The following TLE4 variants were observed in gnomAD, a reference collection of about 807,000 sequenced individuals.
The protein encoded by TLE4 is transducin-like enhancer protein 4.
TLE4 carries 8 observed loss-of-function variants against 92.8 expected under a neutral mutation model. The ratio of observed to expected loss-of-function variants is 0.09; its 90% confidence interval spans 0.05 to 0.16. The LOEUF (loss-of-function observed/expected upper bound fraction) is 0.16. Ranked by LOEUF, TLE4 falls within the 10% of genes least tolerant of loss-of-function variation. The probability of loss-of-function intolerance (pLI) is 1.00; values close to 1 mark genes in which losing one functional copy is unlikely to be tolerated. For missense variants in TLE4, 675 were observed against 997.6 expected, an observed-to-expected ratio of 0.68 and a Z score of 4.36; for synonymous variants, 371 against 374.1, an observed-to-expected ratio of 0.99 and a Z score of 0.10.
chr9:79,681,276 T>C (rs1335346507), intron 8 of TLE4, among the ~76,000 whole-genome samples: 2 of 151,888 alleles, frequency 1.3e-5, no homozygotes, highest in South Asian at 4.1e-4. Flanking sequence ...GAGTCTTGGA[T>C]ATACTTAATC....
rs1344407165 is a variant in TLE4, at chr9:79,572,724, TCTTCGG to T, written c.-66_-61del. The T allele has an allele frequency of 2.8e-5, 43 of 1,549,414 alleles. No homozygotes were observed. In the East Asian group the frequency reaches 7.9e-4, roughly 28 times the overall value. On this transcript the variant is annotated 5_prime_UTR_variant, in exon 1 of 20. Coordinates refer to ENST00000376552, the MANE Select transcript of TLE4 (RefSeq NM_007005.6). ...CGCCTCCGCTGCCGCGGCCGCCTCC[TCTTCGG>T]GGTCATTAAAGCCAATGAGCCGCGC...
chr9:79,579,398 G>A (rs2038973856), intron 4 of TLE4, among the ~76,000 whole-genome samples: 1 of 152,172 alleles, frequency 6.6e-6, no homozygotes, highest in African/African-American at 2.4e-5. Context: ...ATTCTAAAAA[G>A]TGAGTATTGG....
intron 8 of TLE4, among the ~76,000 whole-genome samples, chr9:79,681,958 AAG>A (rs2064784260): frequency 6.6e-6 from 1 of 151,896 alleles, no homozygotes; most frequent in Admixed American, 6.6e-5. Flanking sequence ...ATGTTACCAA[AAG>A]AGTGAAATCT....
chr9:79,579,682 A>G (rs138314582), intron 4 of TLE4, among the ~76,000 whole-genome samples: 1,706 of 150,924 alleles, frequency 0.011, 15 homozygotes, highest in East Asian at 0.026. Flanking sequence ...GTGTGTGTGT[A>G]TATATATATG....
intron 4 of TLE4, among the ~76,000 whole-genome samples, chr9:79,606,200 T>G (rs1287467646): frequency 1.8e-5 from 2 of 108,834 alleles, no homozygotes; most frequent in Admixed American, 2.1e-4. Context: ...TTTTTTTTTT[T>G]TTTTTTTTTT....
In TLE4 at chr9:79,636,695, T is replaced by A. The variant is rs59120216; in HGVS notation, c.390+9247T>A. 2.4e-3 allele frequency among the ~76,000 whole-genome samples: 363 copies of A among 152,292 alleles called. 2 individuals are homozygous for A. Among genetic ancestry groups the A allele is most frequent in the African/African-American group, 8.4e-3 (349 of 41,580 alleles). On this transcript the variant is annotated intron_variant, in intron 6 of 19. Coordinates refer to ENST00000376552, the MANE Select transcript of TLE4 (RefSeq NM_007005.6). Reference sequence around the variant, plus strand: ...TGCTTCTAATTCATTCTCTGTCCCATTAACCTGTTTTATTGTCGTCATTGC... The same window carrying A: ...TGCTTCTAATTCATTCTCTGTCCCAATAACCTGTTTTATTGTCGTCATTGC...
chr9:79,578,202 A>G (rs1032356106), intron 4 of TLE4, among the ~76,000 whole-genome samples: 5 of 152,138 alleles, frequency 3.3e-5, no homozygotes, highest in Non-Finnish European at 5.9e-5. Flanking sequence ...TACCCTTGTA[A>G]TGGAAAGCAG....
At chr9:79,614,180 A>C (rs138936799) in intron 5 of TLE4, among the ~76,000 whole-genome samples, 18 of 152,258 alleles carry the variant, frequency 1.2e-4, no homozygotes, top group African/African-American at 4.3e-4. Context: ...GAATGGGAAG[A>C]ATGTGTGACC....
chr9:79,686,374 T>C (rs998768426), intron 8 of TLE4, among the ~76,000 whole-genome samples: 4 of 152,218 alleles, frequency 2.6e-5, no homozygotes, highest in Non-Finnish European at 5.9e-5. Flanking sequence ...AATGTTGGTT[T>C]CTCTTCGGGG....
At chr9:79,664,484 A>G (rs574508477) in intron 8 of TLE4, among the ~76,000 whole-genome samples, 30 of 152,120 alleles carry the variant, frequency 2.0e-4, no homozygotes, top group South Asian at 6.2e-4. Context: ...TCTGAATGAG[A>G]CTCCTGAATT....
chr9:79,599,014 A>G lies in TLE4; in HGVS notation c.253-13642A>G, dbSNP rs150718896. 2.5e-3 allele frequency among the ~76,000 whole-genome samples: 376 copies of G among 152,274 alleles called. 3 individuals are homozygous for G. Among genetic ancestry groups the G allele is most frequent in the African/African-American group, 8.7e-3 (361 of 41,550 alleles). ...TGTTCCTATTCTGAAATTATCTTTC[A>G]TCCTCCATCTTTCCTCTTGTGGTAT... is the stretch of plus-strand genomic sequence containing the variant. On this transcript the variant is annotated intron_variant, in intron 4 of 19. Transcript: ENST00000376552.
At chr9:79,705,009 C>G (rs922379205) in intron 9 of TLE4, 107 bp downstream of exon 9, 9 of 1,470,378 alleles carry the variant, frequency 6.1e-6, no homozygotes, top group African/African-American at 1.4e-5. Flanking sequence ...GGATAACATC[C>G]TTTAGGAGAC....
chr9:79,663,722 A>G (rs1307332794), intron 8 of TLE4: 1 of 152,066 alleles, frequency 6.6e-6, no homozygotes, highest in Non-Finnish European at 1.5e-5. Flanking sequence ...CAATATAAAC[A>G]TGGGTCTTCC....
chr9:79,596,093 G>A (rs1216135896), intron 4 of TLE4, among the ~76,000 whole-genome samples: 4 of 151,964 alleles, frequency 2.6e-5, no homozygotes, highest in Admixed American at 6.6e-5. Flanking sequence ...TGATCCGCCC[G>A]CCCTGGCCTC....
intron 4 of TLE4, among the ~76,000 whole-genome samples, chr9:79,591,059 C>T (rs2042412677): frequency 6.6e-6 from 1 of 152,196 alleles, no homozygotes; most frequent in Admixed American, 6.5e-5. Context: ...TAACCTCATA[C>T]TATGTGCAGG....
chr9:79,619,974 G>T (rs566679225), intron 5 of TLE4, among the ~76,000 whole-genome samples: 1 of 152,328 alleles, frequency 6.6e-6, no homozygotes, highest in Non-Finnish European at 1.5e-5. Context: ...ACAGTTGGCT[G>T]CTTGGTGAGA....
intron 4 of TLE4, among the ~76,000 whole-genome samples, chr9:79,582,950 T>C (rs1379273635): frequency 6.6e-6 from 1 of 152,148 alleles, no homozygotes; most frequent in Admixed American, 6.5e-5. Flanking sequence ...TTGCAAGGCT[T>C]AGGACTTGTT....
At chr9:79,704,705 A>G (rs2071015067) in intron 8 of TLE4, 78 bp from the exon 9 acceptor site, 1 of 1,543,380 alleles carries the variant, frequency 6.5e-7, no homozygotes, top group South Asian at 1.2e-5. Flanking sequence ...AAGAAAAGAA[A>G]GTCTCAAGTG....
intron 8 of TLE4, among the ~76,000 whole-genome samples, chr9:79,662,285 T>C (rs1478940803): frequency 2.0e-5 from 3 of 152,198 alleles, no homozygotes; most frequent in Non-Finnish European, 4.4e-5. Flanking sequence ...TTGCTACTTT[T>C]CAAGTTGCTG....
Sources: gnomAD v4.1 joint callset for allele counts (sites outside exome capture counted in the v4.1 genomes callset) on GRCh38, gnomAD v4.1.1 for gene constraint, MANE v1.5 for transcripts, NCBI Gene and HGNC (gene_info 2026-07-23, HGNC 2026-07-21) for gene names.